The following ENOSF1 variants were observed in gnomAD, a reference collection of about 807,000 sequenced individuals.
The protein encoded by ENOSF1 is enolase superfamily member 1.
ENOSF1 carries 73 observed loss-of-function variants against 68.2 expected under a neutral mutation model. The ratio of observed to expected loss-of-function variants is 1.07; its 90% CI spans 0.89 to 1.30. ENOSF1 has a LOEUF of 1.30. Ranked by LOEUF, ENOSF1 falls within the 50% of genes most tolerant of loss-of-function variation. The pLI is 0.00. For missense variants in ENOSF1, 589 were observed against 554.5 expected (o/e 1.06, Z -0.62); for synonymous variants, 223 against 210.4 (o/e 1.06, Z -0.52).
intron 10 of ENOSF1, 149 bp from the exon 11 acceptor site, chr18:683,529 C>T: frequency 2.4e-6 from 2 of 840,982 alleles, no homozygotes; most frequent in Non-Finnish European, 3.6e-6. Flanking sequence ...GCACACGGCC[C>T]TAACAAAAAG....
intron 9 of ENOSF1, 143 bp downstream of exon 9, chr18:688,430 GA>G: frequency 1.0e-6 from 1 of 973,540 alleles, no homozygotes; most frequent in Non-Finnish European, 1.5e-6. Context: ...GGCCTAAGGG[GA>G]AACTTCTCTT....
intron 5 of ENOSF1, 28 bp from the exon 6 acceptor site, chr18:691,304 C>G (rs1165383167): frequency 3.2e-6 from 5 of 1,572,644 alleles, no homozygotes; most frequent in Non-Finnish European, 4.3e-6. Flanking sequence ...GGGGAAGAGG[C>G]CTGAATCAAT....
chr18:694,374 G>A (rs1568093432), intron 3 of ENOSF1, 40 bp from the exon 4 acceptor site: 1 of 1,584,556 alleles, frequency 6.3e-7, no homozygotes, highest in South Asian at 1.1e-5. Flanking sequence ...TTTTAGAAAT[G>A]AAAAAGAGGG....
At chr18:670,155 A>G (rs1028651129), downstream of ENOSF1, among the ~76,000 whole-genome samples, 4 of 149,698 alleles carry the variant, frequency 2.7e-5, no homozygotes, top group African/African-American at 9.9e-5. Flanking sequence ...GTGAGTTCCC[A>G]TTCCTCAGCC....
intron 11 of ENOSF1, 73 bp downstream of exon 11, chr18:683,173 G>C (rs949153202): frequency 6.5e-7 from 1 of 1,548,372 alleles, no homozygotes; most frequent in Non-Finnish European, 8.7e-7. Context: ...AGAAATTTTA[G>C]GATCTGTCCC....
chr18:668,857 TTG>T (rs2074917011), downstream of ENOSF1, among the ~76,000 whole-genome samples: 1 of 151,642 alleles, frequency 6.6e-6, no homozygotes. Flanking sequence ...GAAAAAGACT[TTG>T]TTAGGGCTCC....
At chr18:702,408 C>G (rs925093084) in intron 2 of ENOSF1, among the ~76,000 whole-genome samples, 9 of 151,824 alleles carry the variant, frequency 5.9e-5, no homozygotes, top group African/African-American at 2.2e-4. Context: ...AACCCTGTCT[C>G]TCCTAAAAAT....
chr18:692,784 G>C (rs1354145438), intron 5 of ENOSF1: 1 of 1,003,798 alleles, frequency 1.0e-6, no homozygotes. Flanking sequence ...AATCTAGAAG[G>C]GGGCTCAAGA....
In ENOSF1 at chr18:673,391, C is replaced by T. The variant is rs144396537; in HGVS notation, c.*914G>A. ...AATTTCACAAGCTATTCCCTCAAAT[C>T]TGAGGGAGCTGAGTAACACCATCGA... On this transcript the variant is annotated 3_prime_UTR_variant, in exon 16 of 16. Transcript: ENST00000647584. The T allele has an allele frequency of 2.2e-5, 5 of 227,106 alleles. No homozygotes were observed. The highest frequency in any genetic ancestry group is 4.4e-5 in the Non-Finnish European group (5 of 113,674). 14.1% of individuals were successfully genotyped at this position (227,106 alleles called of 1,614,324 possible). A position where few individuals can be genotyped will look rare whatever the true frequency, so the allele number is the denominator to read the frequency against.
At chr18:691,548 T>C in intron 5 of ENOSF1, 1 of 334,768 alleles carries the variant, frequency 3.0e-6, no homozygotes, top group Non-Finnish European at 5.5e-6. Context: ...GGTCTCACTA[T>C]GTTGACCAGG....
At position 674,153 on chromosome 18, in the gene ENOSF1, A is replaced by T. The variant is rs991229913; in HGVS notation, c.*152T>A. Reference sequence around the variant, plus strand: ...ATTGATTTGCTAAAAGAATCAAGTAATAATTACTTAGCTGATTCCTGAGGG... The same window carrying T: ...ATTGATTTGCTAAAAGAATCAAGTATTAATTACTTAGCTGATTCCTGAGGG... On this transcript the variant is annotated 3_prime_UTR_variant, in exon 16 of 16. Coordinates refer to ENST00000647584, the MANE Select transcript of ENOSF1 (RefSeq NM_017512.7). The T allele has an allele frequency of 2.3e-5, 14 of 610,764 alleles. No individual in the cohort carries two copies. The Admixed American group carries it at 3.3e-4, about 15-fold the overall frequency. 37.8% of individuals were successfully genotyped at this position (610,764 alleles called of 1,614,324 possible).
intron 2 of ENOSF1, among the ~76,000 whole-genome samples, chr18:700,479 G>C (rs1206839180): frequency 6.6e-6 from 1 of 152,174 alleles, no homozygotes; most frequent in Admixed American, 6.5e-5. Flanking sequence ...AGCTAAGGAT[G>C]ATCTCATTTT....
At chr18:683,979 C>T (rs1016747864) in intron 10 of ENOSF1, among the ~76,000 whole-genome samples, 7 of 149,480 alleles carry the variant, frequency 4.7e-5, no homozygotes, top group African/African-American at 1.0e-4. Flanking sequence ...GGCTGAAGCC[C>T]GTGGATTTCT....
At chr18:697,119 A>AAAAT in intron 3 of ENOSF1, 121 bp downstream of exon 3, 1 of 802,336 alleles carries the variant, frequency 1.2e-6, no homozygotes, top group Non-Finnish European at 2.1e-6. Flanking sequence ...TCCATCTCAA[A>AAAAT]AAATAAATAA....
At chr18:675,476 A>G in intron 14 of ENOSF1, 74 bp from the exon 15 acceptor site, 2 of 1,288,740 alleles carry the variant, frequency 1.6e-6, no homozygotes, top group Non-Finnish European at 2.2e-6. Flanking sequence ...CTTAAAGCAG[A>G]AGGAGCGAGT....
chr18:668,964 T>C, downstream of ENOSF1: 1 of 889,388 alleles, frequency 1.1e-6, no homozygotes, highest in East Asian at 2.7e-5. Context: ...TAGCCATGGG[T>C]CAAGGGGGGA....
intron 2 of ENOSF1, among the ~76,000 whole-genome samples, chr18:703,277 T>C (rs1001113417): frequency 6.6e-6 from 1 of 152,044 alleles, no homozygotes; most frequent in Non-Finnish European, 1.5e-5. Flanking sequence ...TCAGCACCCA[T>C]CCCAGAAGGG....
chr18:697,236 T>A lies in ENOSF1; in HGVS notation c.309+4A>T. 1 of 1,608,346 alleles carries A rather than the reference T, an allele frequency of 6.2e-7. No homozygotes were observed. The highest frequency in any genetic ancestry group is 8.5e-7 in the Non-Finnish European group (1 of 1,174,718). On this transcript the variant is annotated splice_donor_region_variant and intron_variant, in intron 3 of 15. Transcript: ENST00000647584. ...GTAAGCATTTTACAAAATAGGTCCC[T>A]TACCCATCTGAGCTGCCCATCACTT...
At chr18:667,571 A>T (rs2847611), downstream of ENOSF1, 841 of 27,530 alleles carry the variant, frequency 0.031, 35 homozygotes, top group Middle Eastern at 0.065. Flanking sequence ...ATGGTGATGG[A>T]GATGGTGATG....
Sources: gnomAD v4.1 joint callset for allele counts (sites outside exome capture counted in the v4.1 genomes callset) on GRCh38, gnomAD v4.1.1 for gene constraint, MANE v1.5 for transcripts, NCBI Gene and HGNC (gene_info 2026-07-23, HGNC 2026-07-21) for gene names.